Variants in RRBP1 observed in about 807,000 individuals in gnomAD.
RRBP1 encodes ribosome binding protein 1, also known as ribosome-binding protein 1.
In RRBP1, 94 loss-of-function variants were observed where a neutral mutation model predicts 165.2. The observed-to-expected ratio is 0.57, with a 90% CI of 0.48 to 0.68. RRBP1 has a LOEUF of 0.68. Ranked by LOEUF, RRBP1 falls within the 30% of genes least tolerant of loss-of-function variation. The pLI is 0.00. For synonymous variants in RRBP1, 680 were observed against 714.5 expected (o/e 0.95, Z 0.77); for missense variants, 1,676 against 1,763.0 (o/e 0.95, Z 0.88).
chr20:17,630,042 G>T, intron 8 of RRBP1, 81 bp from the exon 9 acceptor site: 1 of 1,459,770 alleles, frequency 6.9e-7, no homozygotes, highest in African/African-American at 1.4e-5. Context: ...GGCGGACAGA[G>T]CTCTTTACCC....
At chr20:17,657,180 C>T (rs1460009070) in intron 3 of RRBP1, among the ~76,000 whole-genome samples, 4 of 152,236 alleles carry the variant, frequency 2.6e-5, no homozygotes, top group African/African-American at 7.2e-5. Context: ...AAGGGCAGTG[C>T]GTCGCCTGCC....
intron 2 of RRBP1, among the ~76,000 whole-genome samples, chr20:17,670,391 G>C (rs2036953135): frequency 6.9e-6 from 1 of 144,684 alleles, no homozygotes; most frequent in Non-Finnish European, 1.5e-5. Context: ...AATGAGTAGT[G>C]TAGGATTCTT....
chr20:17,626,417 G>A (rs1323153333), intron 11 of RRBP1, among the ~76,000 whole-genome samples: 1 of 152,188 alleles, frequency 6.6e-6, no homozygotes, highest in Non-Finnish European at 1.5e-5. Context: ...CAGGGCAGCT[G>A]GCTTCCTTTC....
In RRBP1 at chr20:17,614,245, A is replaced by AG. The variant is rs772433956; in HGVS notation, c.4195-26dup. The AG allele has an allele frequency of 3.7e-6, 6 of 1,611,150 alleles. No homozygotes were observed. In the South Asian group the frequency reaches 4.4e-5, roughly 12 times the overall value. On this transcript the variant is annotated intron_variant, in intron 24 of 24. Coordinates refer to ENST00000377813, the MANE Select transcript of RRBP1 (RefSeq NM_001365613.2). The stretch of plus-strand genomic sequence containing the variant: ...CCTGTGAACGAAGGCAGGTGGCGTG[A>AG]GGGGGGCTGGGCCACGAGCCATGGC...
chr20:17,630,092 A>C, intron 8 of RRBP1, 131 bp from the exon 9 acceptor site: 1 of 950,074 alleles, frequency 1.1e-6, no homozygotes, highest in Non-Finnish European at 1.5e-6. Context: ...TGTGGGAAGG[A>C]AATGCATCCC....
chr20:17,673,329 G>A (rs986347794), intron 2 of RRBP1, among the ~76,000 whole-genome samples: 9 of 152,294 alleles, frequency 5.9e-5, no homozygotes, highest in African/African-American at 2.2e-4. Context: ...GTCACCTCCT[G>A]ACCTGACAGG....
At position 17,614,195 on chromosome 20, in the gene RRBP1, C is replaced by T; in HGVS notation, c.4220G>A (p.Gly1407Asp). Residue 1407 changes from glycine to aspartate, a missense_variant, in exon 25 of 25, where the codon GGC becomes GAC. By Grantham distance (94) the Gly-to-Asp change is moderately conservative. Coordinates refer to ENST00000377813, the MANE Select transcript of RRBP1 (RefSeq NM_001365613.2). ...CAAAGAGGAAACTCAGACAGAGGTGCCCTCCTTTGAGCTGCTGCCGTCCTC... is the reference window on the plus strand; with the variant it reads ...CAAAGAGGAAACTCAGACAGAGGTGTCCTCCTTTGAGCTGCTGCCGTCCTC... ...KAEDGSSSKE[G>D]TSV 6.2e-7 allele frequency: 1 copy of T among 1,613,824 alleles called. No homozygotes were observed. The highest frequency in any genetic ancestry group is 8.5e-7 in the Non-Finnish European group (1 of 1,179,938).
At chr20:17,624,534 G>T in intron 13 of RRBP1, 42 bp downstream of exon 13, 1 of 1,351,160 alleles carries the variant, frequency 7.4e-7, no homozygotes, top group Non-Finnish European at 1.0e-6. Flanking sequence ...GCATCCTAGT[G>T]CACTTTCCAT....
At chr20:17,626,092 C>T (rs1253948472) in intron 11 of RRBP1, among the ~76,000 whole-genome samples, 2 of 152,308 alleles carry the variant, frequency 1.3e-5, no homozygotes, top group African/African-American at 2.4e-5. Flanking sequence ...GGGGCTGAAT[C>T]GCTCCTCTCT....
At chr20:17,630,984 C>A (rs2036140204) in intron 8 of RRBP1, among the ~76,000 whole-genome samples, 1 of 152,242 alleles carries the variant, frequency 6.6e-6, no homozygotes, top group African/African-American at 2.4e-5. Flanking sequence ...GTGGCTGGAG[C>A]CAGTGAAGCC....
At position 17,614,359 on chromosome 20, in the gene RRBP1, C is replaced by G. The variant is rs1036960695; in HGVS notation, c.4195-139G>C. On this transcript the variant is annotated intron_variant, in intron 24 of 24. Coordinates refer to ENST00000377813, the MANE Select transcript of RRBP1 (RefSeq NM_001365613.2). ...CCAGTCCCTCAGAGAACAGGAGCCA[C>G]AGACCCCTGGGGCTGGGGGACAGGG... The G allele has an allele frequency of 6.3e-6, 5 of 793,940 alleles. No individual in the cohort carries two copies. In the Admixed American group the frequency reaches 9.2e-5, roughly 15 times the overall value. 49.2% of individuals were successfully genotyped at this position (793,940 alleles called of 1,614,324 possible).
rs375073202 is a variant in RRBP1 at position 17,658,595 on chromosome 20, C to T, written c.1912+1G>A. The T allele has an allele frequency of 1.2e-4, 193 of 1,582,266 alleles. No homozygotes were observed. The highest frequency in any genetic ancestry group is 1.8e-4 in the Middle Eastern group (1 of 5,666). Reference sequence around the variant, plus strand: ...AGTTCATAAAGAAATCAGTTACTTACCAGGCTCACCTTTTTTCTTTGAACC... The same window carrying T: ...AGTTCATAAAGAAATCAGTTACTTATCAGGCTCACCTTTTTTCTTTGAACC... On this transcript the variant is annotated splice_donor_variant, in intron 3 of 24. Transcript: ENST00000377813. LOFTEE classifies it high-confidence loss of function.
rs780036021 is a variant in RRBP1 at position 17,615,971 on chromosome 20, C to A, written c.3906G>T (p.Glu1302Asp). The stretch of plus-strand genomic sequence containing the variant: ...GCTTCTGCCGCTGTGTCTGCTCATC[C>A]TCCAGGATGGCTTCTGTCCACTCCA... ...TQLEWTEAIL[E>D]DEQTQRQKLT... The change falls in exon 22 of 25, where the codon GAG becomes GAT. Residue 1302 changes from glutamate to aspartate, a missense_variant. Physicochemically the swap from Glu to Asp is conservative, Grantham distance 45. Around this residue, in one of 5 missense-constraint regions of RRBP1, gnomAD observed 1,184 missense variants for 1,167.1 expected, o/e 1.01. Transcript: ENST00000377813. 2 of 1,609,396 alleles carry A rather than the reference C, an allele frequency of 1.2e-6. No individual in the cohort carries two copies. The highest frequency in any genetic ancestry group is 1.7e-4 in the Middle Eastern group (1 of 6,056).
intron 19 of RRBP1, 65 bp downstream of exon 19, chr20:17,619,568 A>G: frequency 8.7e-7 from 1 of 1,149,680 alleles, no homozygotes; most frequent in Non-Finnish European, 1.2e-6. Context: ...GGCTGAGGAG[A>G]AGCAGCTCAG....
chr20:17,662,129 G>A (rs1371296596), intron 2 of RRBP1, among the ~76,000 whole-genome samples: 3 of 152,090 alleles, frequency 2.0e-5, no homozygotes, highest in South Asian at 2.1e-4. Context: ...CAGGCGTGGC[G>A]GCGGGTGCCT....
chr20:17,618,706 T>TG, intron 19 of RRBP1, 27 bp from the exon 20 acceptor site: 1 of 1,577,986 alleles, frequency 6.3e-7, no homozygotes. Context: ...AGGCGGGTGA[T>TG]GGGAAAAAAG....
At chr20:17,634,421 G>A (rs1379102922) in intron 7 of RRBP1, among the ~76,000 whole-genome samples, 3 of 152,046 alleles carry the variant, frequency 2.0e-5, no homozygotes, top group African/African-American at 7.3e-5. Context: ...GTACCGGGGA[G>A]GCCACACCAA....
At position 17,675,477 on chromosome 20, in the gene RRBP1, T is replaced by C. The variant is rs529274025; in HGVS notation, c.-22+4522A>G. On this transcript the variant is annotated intron_variant, in intron 2 of 24. Transcript: ENST00000377813. ...AGAGCTTACGCTTCAGAGGGGGAGATGACAAAGTCAGTCAAATACGGGACA... is the reference window on the plus strand; with the variant it reads ...AGAGCTTACGCTTCAGAGGGGGAGACGACAAAGTCAGTCAAATACGGGACA... Among the ~76,000 whole-genome samples, 6 of 143,896 alleles carry C rather than the reference T, an allele frequency of 4.2e-5. No individual in the cohort carries two copies. The South Asian group carries it at 1.3e-3, about 31-fold the overall frequency. The allele number at this position is 143,896 out of a possible 152,430, so 94.4% of individuals were successfully genotyped here.
chr20:17,634,697 G>C (rs969636679), intron 7 of RRBP1, among the ~76,000 whole-genome samples: 1 of 152,220 alleles, frequency 6.6e-6, no homozygotes, highest in African/African-American at 2.4e-5. Flanking sequence ...AGACGCCAGA[G>C]AATTTCTCAG....
Sources: gnomAD v4.1 joint callset for allele counts (sites outside exome capture counted in the v4.1 genomes callset) on GRCh38, gnomAD v4.1.1 for gene constraint, gnomAD v4.1.1 regional missense constraint, MANE v1.5 for transcripts, NCBI Gene and HGNC (gene_info 2026-07-23, HGNC 2026-07-21) for gene names.